Variants in METTL8 observed in about 807,000 individuals in gnomAD.
METTL8 encodes methyltransferase 8, tRNA N3-cytidine.
A neutral mutation model predicts 48.7 loss-of-function variants in METTL8; 32 were observed. The ratio of observed to expected loss-of-function variants is 0.66; its 90% CI spans 0.50 to 0.88. The LOEUF (loss-of-function observed/expected upper bound fraction) is 0.88. Among genes scored for constraint, METTL8 ranks in the 40% least tolerant of loss-of-function variants. The pLI, the probability that METTL8 is intolerant of heterozygous loss-of-function variation, is 0.00. For synonymous variants in METTL8, 136 were observed against 157.1 expected, an observed-to-expected ratio of 0.87 and a Z score of 1.01; for missense variants, 464 against 474.4, an observed-to-expected ratio of 0.98 and a Z score of 0.20.
intron 2 of METTL8, among the ~76,000 whole-genome samples, chr2:171,386,840 C>G (rs1428148450): frequency 2.0e-5 from 3 of 152,116 alleles, no homozygotes; most frequent in Admixed American, 1.3e-4. Context: ...TCCCCTCCCC[C>G]CAGACCCCAG....
intron 3 of METTL8, among the ~76,000 whole-genome samples, chr2:171,341,544 CTTTT>C (rs963960736): frequency 6.7e-6 from 1 of 150,270 alleles, no homozygotes; most frequent in Non-Finnish European, 1.5e-5. Flanking sequence ...TGGCACGTTC[CTTTT>C]TTTTCCCTTT....
At chr2:171,406,349 G>A (rs1690174358) in intron 1 of METTL8, among the ~76,000 whole-genome samples, 1 of 152,208 alleles carries the variant, frequency 6.6e-6, no homozygotes, top group Admixed American at 6.5e-5. Context: ...CCCCAAAGCT[G>A]TTGAAAGCTA....
chr2:171,347,853 T>TC (rs1423143130), intron 3 of METTL8, among the ~76,000 whole-genome samples: 2 of 152,294 alleles, frequency 1.3e-5, no homozygotes, highest in East Asian at 3.9e-4. Context: ...CTGGCCATAT[T>TC]CCCCTCAAAG....
At chr2:171,420,938 T>C (rs1691807490) in intron 1 of METTL8, among the ~76,000 whole-genome samples, 1 of 152,196 alleles carries the variant, frequency 6.6e-6, no homozygotes, top group Admixed American at 6.5e-5. Context: ...TATGATGTCA[T>C]CCTTAATGGT....
At chr2:171,350,232 G>A (rs1032947399) in intron 3 of METTL8, among the ~76,000 whole-genome samples, 2 of 152,046 alleles carry the variant, frequency 1.3e-5, no homozygotes, top group Non-Finnish European at 2.9e-5. Flanking sequence ...CTGTCCTCGC[G>A]ACAGTTTGCT....
intron 1 of METTL8, among the ~76,000 whole-genome samples, chr2:171,420,374 GA>G (rs1691751593): frequency 6.6e-6 from 1 of 152,034 alleles, no homozygotes; most frequent in Non-Finnish European, 1.5e-5. Flanking sequence ...ACAAGAAGAA[GA>G]AAAAGAAGAT....
chr2:171,374,656 C>A (rs1327931058), intron 2 of METTL8, among the ~76,000 whole-genome samples: 1 of 149,540 alleles, frequency 6.7e-6, no homozygotes, highest in East Asian at 2.0e-4. Context: ...TCCCACCCCT[C>A]CCCTTCTCCC....
Position 171,317,692 on chromosome 2 carries a change from G to A in METTL8, c.*6480C>T, listed in dbSNP as rs1208412139. The A allele has an allele frequency of 6.6e-6, 1 of 152,234 alleles. No homozygotes were observed. The highest frequency in any genetic ancestry group is 6.5e-5 in the Admixed American group (1 of 15,286). 9.4% of individuals were successfully genotyped at this position (152,234 alleles called of 1,614,324 possible). On this transcript the variant is annotated 3_prime_UTR_variant, in exon 10 of 10. Coordinates refer to ENST00000375258, the MANE Select transcript of METTL8 (RefSeq NM_001321154.2). ...AAGTGGTTGTGAAACCACAGACACT[G>A]TAGAATCAGAAGCTGTTGTTTTAAA...
chr2:171,347,744 A>G (rs879670335), intron 3 of METTL8, among the ~76,000 whole-genome samples: 1 of 152,222 alleles, frequency 6.6e-6, no homozygotes, highest in African/African-American at 2.4e-5. Context: ...ACTTCTTCAG[A>G]AACAGTGTGA....
Position 171,323,226 on chromosome 2 carries a change from C to CTTTAT in METTL8, c.*945_*946insATAAA, listed in dbSNP as rs368549860. 2 of 69,356 alleles carry CTTTAT rather than the reference C, an allele frequency of 2.9e-5. No homozygotes were observed. Among genetic ancestry groups the CTTTAT allele is most frequent in the African/African-American group, 1.2e-4 (2 of 16,476 alleles). The allele number at this position is 69,356 out of a possible 1,614,324, so 4.3% of individuals were successfully genotyped here. ...TACAAGAGCTTGTCAGCTTACATACCTTTTTTTTTTTTTTTTTTTTTTTTG... is the reference window on the plus strand; with the variant it reads ...TACAAGAGCTTGTCAGCTTACATACCTTTATTTTTTTTTTTTTTTTTTTTTTTTTG... On this transcript the variant is annotated 3_prime_UTR_variant, in exon 10 of 10. Coordinates refer to ENST00000375258, the MANE Select transcript of METTL8 (RefSeq NM_001321154.2).
rs150439570 is a variant in METTL8 at position 171,326,247 on chromosome 2, A to G, written c.861-99T>C. 1.4e-4 allele frequency: 94 copies of G among 651,288 alleles called. No individual in the cohort carries two copies. In the African/African-American group the frequency reaches 1.6e-3, roughly 11 times the overall value. The allele number at this position is 651,288 out of a possible 1,614,324, so 40.3% of individuals were successfully genotyped here. ...GAAGACAAAATAAGAAAAGCTTGAT[A>G]AGGCCAAAGAAATCTAAACCATAAA... On this transcript the variant is annotated intron_variant, in intron 7 of 9. Transcript: ENST00000375258.
chr2:171,392,550 G>T lies in METTL8; in HGVS notation c.-12-353C>A, dbSNP rs918325680. On this transcript the variant is annotated intron_variant, in intron 1 of 9. Transcript: ENST00000375258. ...TTTTTTTAAAGTAATTTTATTTTTT[G>T]GGGGGTAATTCTAGGAAAATATATT... Among the ~76,000 whole-genome samples, 5 of 152,046 alleles carry T rather than the reference G, an allele frequency of 3.3e-5. No individual in the cohort carries two copies. The East Asian group carries it at 7.7e-4, about 23-fold the overall frequency.
intron 1 of METTL8, among the ~76,000 whole-genome samples, chr2:171,396,790 T>C (rs1689106741): frequency 6.6e-6 from 1 of 152,002 alleles, no homozygotes; most frequent in Non-Finnish European, 1.5e-5. Flanking sequence ...GAGAAATTTA[T>C]AGTTTTACAT....
At chr2:171,402,447 C>T (rs925268689) in intron 1 of METTL8, among the ~76,000 whole-genome samples, 17 of 152,048 alleles carry the variant, frequency 1.1e-4, no homozygotes, top group African/African-American at 4.1e-4. Context: ...CCAGGTTTCT[C>T]ATTGTTGGAG....
intron 1 of METTL8, among the ~76,000 whole-genome samples, chr2:171,416,553 A>G (rs180822087): frequency 6.6e-6 from 1 of 152,360 alleles, no homozygotes; most frequent in East Asian, 1.9e-4. Flanking sequence ...AGGTGTCCAG[A>G]TGGCTGCAAC....
At chr2:171,408,168 A>T (rs895542498) in intron 1 of METTL8, among the ~76,000 whole-genome samples, 14 of 152,232 alleles carry the variant, frequency 9.2e-5, no homozygotes, top group Non-Finnish European at 1.5e-5. Flanking sequence ...GTTCATAAAC[A>T]ACATAGTAAG....
chr2:171,368,548 AT>A (rs1341998079), intron 2 of METTL8, among the ~76,000 whole-genome samples: 3 of 152,154 alleles, frequency 2.0e-5, no homozygotes, highest in African/African-American at 7.2e-5. Flanking sequence ...CCCAATACAG[AT>A]TTTCCTGATG....
chr2:171,363,053 G>A (rs1204952922), intron 2 of METTL8, among the ~76,000 whole-genome samples: 1 of 152,034 alleles, frequency 6.6e-6, no homozygotes, highest in Non-Finnish European at 1.5e-5. Flanking sequence ...GAGTATATGT[G>A]GTCTTCCGCT....
At chr2:171,325,723 A>C in intron 9 of METTL8, 118 bp downstream of exon 9, 1 of 657,584 alleles carries the variant, frequency 1.5e-6, no homozygotes, top group East Asian at 2.7e-5. Flanking sequence ...GTATGAAGAC[A>C]TCTAATGCTT....
Sources: allele counts gnomAD v4.1 joint callset (sites outside exome capture counted in the v4.1 genomes callset), GRCh38; gene constraint gnomAD v4.1.1; transcripts MANE v1.5; gene names NCBI Gene and HGNC (gene_info 2026-07-23, HGNC 2026-07-21).